Variants in GRAMD1C observed in about 807,000 individuals in gnomAD.
The protein encoded by GRAMD1C is GRAM domain containing 1C.
A neutral mutation model predicts 97.8 loss-of-function variants in GRAMD1C; 89 were observed. The observed-to-expected ratio is 0.91, with a 90% confidence interval of 0.77 to 1.09. The LOEUF is 1.09. GRAMD1C is among the 50% of genes least tolerant of loss of function. GRAMD1C has a pLI of 0.00. For synonymous variants in GRAMD1C, 256 were observed against 267.0 expected (o/e 0.96, Z 0.40); for missense variants, 740 against 766.4 (o/e 0.97, Z 0.41).
intron 10 of GRAMD1C, chr3:113,919,678 G>C: frequency 3.1e-6 from 2 of 641,808 alleles, no homozygotes; most frequent in Non-Finnish European, 5.7e-6. Context: ...TTGTTCACCA[G>C]CTTGCCACCT....
intron 3 of GRAMD1C, among the ~76,000 whole-genome samples, chr3:113,870,982 C>T (rs983676552): frequency 3.5e-5 from 1 of 28,366 alleles, no homozygotes; most frequent in African/African-American, 7.0e-5. Context: ...AAGACACACA[C>T]ACACACACAC....
intron 2 of GRAMD1C, among the ~76,000 whole-genome samples, chr3:113,862,500 G>C (rs1934419939): frequency 6.6e-6 from 1 of 152,184 alleles, no homozygotes; most frequent in South Asian, 2.1e-4. Flanking sequence ...CCTGAACATT[G>C]CTGTTATCCT....
At chr3:113,924,420 A>G (rs182128713) in intron 10 of GRAMD1C, among the ~76,000 whole-genome samples, 2 of 151,852 alleles carry the variant, frequency 1.3e-5, no homozygotes, top group Admixed American at 1.3e-4. Flanking sequence ...AGCACTATAA[A>G]CTTGTAACAC....
At chr3:113,924,759 A>C (rs1042336735) in intron 10 of GRAMD1C, among the ~76,000 whole-genome samples, 2 of 152,164 alleles carry the variant, frequency 1.3e-5, no homozygotes, top group African/African-American at 2.4e-5. Context: ...TTTGGGGTGG[A>C]GAGCTCTGTA....
At chr3:113,831,101 C>G (rs566229757) in intron 1 of GRAMD1C, among the ~76,000 whole-genome samples, 1 of 152,162 alleles carries the variant, frequency 6.6e-6, no homozygotes, top group East Asian at 1.9e-4. Context: ...AAAACAAAAA[C>G]AGGAAATTAA....
intron 2 of GRAMD1C, among the ~76,000 whole-genome samples, chr3:113,865,409 A>G (rs1934547559): frequency 6.6e-6 from 1 of 152,166 alleles, no homozygotes; most frequent in South Asian, 2.1e-4. Flanking sequence ...TGCCACAGAT[A>G]CTGAATCACT....
chr3:113,878,035 C>T (rs1935116827), intron 5 of GRAMD1C, among the ~76,000 whole-genome samples: 1 of 152,162 alleles, frequency 6.6e-6, no homozygotes, highest in Non-Finnish European at 1.5e-5. Flanking sequence ...TCACCTTGGC[C>T]TCCCAAAGTG....
chr3:113,875,434 A>C (rs1934986244), intron 3 of GRAMD1C, 50 bp from the exon 4 acceptor site: 1 of 815,266 alleles, frequency 1.2e-6, no homozygotes. Context: ...AAGGTCTATT[A>C]ATTTCTCAGA....
chr3:113,894,511 T>C (rs1487302170), intron 6 of GRAMD1C, among the ~76,000 whole-genome samples: 2 of 152,180 alleles, frequency 1.3e-5, no homozygotes, highest in Non-Finnish European at 2.9e-5. Flanking sequence ...ACGCCTGACC[T>C]CAGGTGATCT....
At chr3:113,929,152 T>A (rs1480786806) in intron 10 of GRAMD1C, among the ~76,000 whole-genome samples, 1 of 152,248 alleles carries the variant, frequency 6.6e-6, no homozygotes, top group Non-Finnish European at 1.5e-5. Context: ...ATAATAGCTA[T>A]CCTAATGGGC....
chr3:113,858,762 T>G (rs1267806820), intron 2 of GRAMD1C, among the ~76,000 whole-genome samples: 1 of 152,212 alleles, frequency 6.6e-6, no homozygotes, highest in Admixed American at 6.5e-5. Flanking sequence ...TTTTACCATG[T>G]TGACCAGGCT....
intron 1 of GRAMD1C, among the ~76,000 whole-genome samples, chr3:113,833,100 T>TTTTG (rs1709580246): frequency 6.8e-6 from 1 of 147,052 alleles, no homozygotes; most frequent in Admixed American, 7.1e-5. Flanking sequence ...TTTTCTTTTC[T>TTTTG]TTTCTTTCTT....
intron 9 of GRAMD1C, chr3:113,912,989 A>AAGTCAATGT (rs1936659596): frequency 2.8e-6 from 1 of 354,804 alleles, no homozygotes; most frequent in East Asian, 1.2e-4. Context: ...CTTGCCATTG[A>AAGTCAATGT]AGTCAATGTA....
rs777983177 is a variant in GRAMD1C, at chr3:113,940,265, G to A, written c.1828G>A (p.Ala610Thr). Residue 610 changes from alanine to threonine, a missense_variant, in exon 17 of 18, where the codon GCA (alanine) becomes ACA (threonine). Coordinates refer to ENST00000358160, the MANE Select transcript of GRAMD1C (RefSeq NM_017577.5). ...LNLASDMVSR[A>T]ETIQKNKDQA... is the part of the protein sequence containing the mutation. ...TTTAGCCTCTGATATGGTGTCAAGA[G>A]CAGAAACTATTCAGAAGAATAAAGA... 6 of 1,606,220 alleles carry A rather than the reference G, an allele frequency of 3.7e-6. No homozygotes were observed. The African/African-American group carries it at 6.7e-5, about 18-fold the overall frequency.
intron 6 of GRAMD1C, among the ~76,000 whole-genome samples, chr3:113,900,533 G>A (rs1936128109): frequency 6.7e-6 from 1 of 149,582 alleles, no homozygotes; most frequent in Non-Finnish European, 1.5e-5. Context: ...CGATTCTCCT[G>A]CCTCAGCCTC....
Position 113,915,687 on chromosome 3 carries a change from T to G in GRAMD1C, c.953-14T>G, listed in dbSNP as rs989123443. On this transcript the variant is annotated splice_polypyrimidine_tract_variant and intron_variant, in intron 9 of 17. Coordinates refer to ENST00000358160, the MANE Select transcript of GRAMD1C (RefSeq NM_017577.5). ...TGATTTCTTCTCTTTTGGTTTGTGT[T>G]TCTGTTTTTCCAGAAAATGTTCCTG... 6.2e-7 allele frequency: 1 copy of G among 1,603,050 alleles called. No homozygotes were observed. The highest frequency in any genetic ancestry group is 8.5e-7 in the Non-Finnish European group (1 of 1,173,376).
chr3:113,914,921 G>A (rs928487454), intron 9 of GRAMD1C, among the ~76,000 whole-genome samples: 2 of 152,100 alleles, frequency 1.3e-5, no homozygotes, highest in African/African-American at 4.8e-5. Context: ...ATACTTGTAA[G>A]GTATGTAGCA....
chr3:113,886,516 C>T lies in GRAMD1C; in HGVS notation c.540+3684C>T, dbSNP rs183587704. On this transcript the variant is annotated intron_variant, in intron 6 of 17. Coordinates refer to ENST00000358160, the MANE Select transcript of GRAMD1C (RefSeq NM_017577.5). ...GCCACTGGATTTTCCCTAAATTTTT[C>T]CCCTCTTTACTTTCCTTCTATTTTT... Among the ~76,000 whole-genome samples, 243 of 152,142 alleles carry T rather than the reference C, an allele frequency of 1.6e-3. 1 individual carries two copies. Among genetic ancestry groups the T allele is most frequent in the Middle Eastern group, 6.8e-3 (2 of 294 alleles).
intron 6 of GRAMD1C, among the ~76,000 whole-genome samples, chr3:113,900,725 C>T (rs918852945): frequency 1.3e-5 from 2 of 151,904 alleles, no homozygotes; most frequent in African/African-American, 4.8e-5. Flanking sequence ...TGTGCCTGGC[C>T]TGAACAAATT....
Sources: allele counts gnomAD v4.1 joint callset (sites outside exome capture counted in the v4.1 genomes callset), GRCh38; gene constraint gnomAD v4.1.1; transcripts MANE v1.5; gene names NCBI Gene and HGNC (gene_info 2026-07-23, HGNC 2026-07-21).